Variants in PCM1 observed in about 807,000 individuals in gnomAD.
The protein encoded by PCM1 is pericentriolar material 1, also known as pericentriolar material 1 protein.
In PCM1, 157 loss-of-function variants were observed where a neutral mutation model predicts 241.9. The observed-to-expected ratio is 0.65, with a 90% CI of 0.57 to 0.74. The LOEUF (loss-of-function observed/expected upper bound fraction) is 0.74. Ranked by LOEUF, PCM1 falls within the 30% of genes least tolerant of loss-of-function variation. The pLI, the probability that PCM1 is intolerant of heterozygous loss-of-function variation, is 0.00. For synonymous variants in PCM1, 1,085 were observed against 784.9 expected (o/e 1.38, Z -6.39); for missense variants, 3,478 against 2,360.1 (o/e 1.47, Z -9.81).
intron 35 of PCM1, 57 bp downstream of exon 35, chr8:18,014,093 G>T (rs1051670477): frequency 6.0e-6 from 5 of 826,878 alleles, no homozygotes; most frequent in African/African-American, 4.8e-5. Context: ...TTGCTTTAAA[G>T]CTAAAAAAAA....
chr8:17,958,596 A>T (rs2069930385), intron 13 of PCM1, among the ~76,000 whole-genome samples: 1 of 152,204 alleles, frequency 6.6e-6, no homozygotes, highest in South Asian at 2.1e-4. Flanking sequence ...TAAAAATCAT[A>T]TAAAATGGTT....
rs377606947 is a variant in PCM1 at position 17,940,057 on chromosome 8, G to A, written c.783+196G>A. 9.3e-5 allele frequency: 147 copies of A among 1,574,440 alleles called. No individual in the cohort carries two copies. The Middle Eastern group carries it at 9.9e-4, about 11-fold the overall frequency. ...AATATTTCAGGCTAGAGAAAATGAG[G>A]AGGAGGATGTTCGGACTATAGATTC... On this transcript the variant is annotated intron_variant, in intron 6 of 38. Transcript: ENST00000325083.
At chr8:17,955,158 C>G (rs145587041) in intron 9 of PCM1, among the ~76,000 whole-genome samples, 1 of 152,100 alleles carries the variant, frequency 6.6e-6, no homozygotes, top group Non-Finnish European at 1.5e-5. Context: ...GAGTACTTCT[C>G]TAGTTAGTTT....
intron 27 of PCM1, among the ~76,000 whole-genome samples, chr8:17,990,599 A>G (rs1564213170): frequency 6.6e-6 from 1 of 151,906 alleles, no homozygotes; most frequent in Non-Finnish European, 1.5e-5. Flanking sequence ...AAATTTAAGG[A>G]AAAGAAAAAT....
At chr8:17,951,825 C>G (rs766767796) in intron 8 of PCM1, among the ~76,000 whole-genome samples, 2 of 151,846 alleles carry the variant, frequency 1.3e-5, no homozygotes, top group Non-Finnish European at 2.9e-5. Flanking sequence ...ATAATTGATG[C>G]AAATATGGGA....
intron 21 of PCM1, 66 bp downstream of exon 21, chr8:17,967,236 A>T: frequency 8.9e-7 from 1 of 1,125,496 alleles, no homozygotes; most frequent in East Asian, 2.6e-5. Flanking sequence ...TAATTTGTCT[A>T]TTGCCTAGAT....
intron 24 of PCM1, among the ~76,000 whole-genome samples, chr8:17,984,404 T>A (rs968374334): frequency 5.9e-5 from 9 of 152,000 alleles, no homozygotes; most frequent in African/African-American, 2.2e-4. Flanking sequence ...GTTCATACCT[T>A]AAAACTACGA....
rs143509922 is a variant in PCM1, at chr8:17,958,813, C to T, written c.2040+1038C>T. ...TTTGGCTCACTGCAAGCTCCATCTC[C>T]CGGGTTCAAGCGATTCTTCTGCCTC... On this transcript the variant is annotated intron_variant, in intron 13 of 38. Coordinates refer to ENST00000325083, the MANE Select transcript of PCM1 (RefSeq NM_006197.4). Among the ~76,000 whole-genome samples, 1,300 of 152,168 alleles carry T rather than the reference C, an allele frequency of 8.5e-3. 20 individuals carry two copies. The highest frequency in any genetic ancestry group is 0.03 in the African/African-American group (1,227 of 41,512).
intron 23 of PCM1, 199 bp from the exon 24 acceptor site, chr8:17,980,392 T>TTTATTACTG: frequency 2.4e-6 from 1 of 418,574 alleles, no homozygotes; most frequent in Admixed American, 4.1e-5. Flanking sequence ...GAAGGTTAGA[T>TTTATTACTG]TTATTACTGT....
At chr8:17,981,039 A>G (rs1443872345) in intron 24 of PCM1, among the ~76,000 whole-genome samples, 4 of 152,232 alleles carry the variant, frequency 2.6e-5, no homozygotes, top group Non-Finnish European at 4.4e-5. Context: ...CTGATTAAGA[A>G]TTAGATATGA....
Position 17,966,097 on chromosome 8 carries a change from G to C in PCM1, c.2954G>C (p.Arg985Pro). ...NISMQRQENL[R>P]WVSELSYVEE... ...AGCATGCAACGGCAAGAAAACCTTC[G>C]TTGGGTGTCAGAGCTCTCTTACGTA... is the stretch of plus-strand genomic sequence containing the variant. Residue 985 changes from arginine (R) to proline (P), a missense_variant, in exon 19 of 39, where the codon CGT becomes CCT. Physicochemically the swap from Arg to Pro is moderately radical, Grantham distance 103 (BLOSUM62 -2). Transcript: ENST00000325083. The C allele has an allele frequency of 5.6e-6, 9 of 1,613,878 alleles. No individual in the cohort carries two copies. Among genetic ancestry groups the C allele is most frequent in the Non-Finnish European group, 7.6e-6 (9 of 1,179,792 alleles).
rs536705111 is a variant in PCM1 at position 18,028,802 on chromosome 8, G to C, written c.*1140G>C. 5.8e-5 allele frequency: 11 copies of C among 188,802 alleles called. No individual in the cohort carries two copies. The East Asian group carries it at 9.3e-4, about 16-fold the overall frequency. The allele number at this position is 188,802 out of a possible 1,614,324, so 11.7% of individuals were successfully genotyped here. A position where few individuals can be genotyped will look rare whatever the true frequency, so the allele number is the denominator to read the frequency against. On this transcript the variant is annotated 3_prime_UTR_variant, in exon 39 of 39. Coordinates refer to ENST00000325083, the MANE Select transcript of PCM1 (RefSeq NM_006197.4). Reference sequence around the variant, plus strand: ...TAGTTCCAATAAGTATTTTAACTTTGTTAACAACTGAAATACCCCATAAAA... The same window carrying C: ...TAGTTCCAATAAGTATTTTAACTTTCTTAACAACTGAAATACCCCATAAAA...
chr8:18,027,569 CAG>C, intron 38 of PCM1, 66 bp from the exon 39 acceptor site: 1 of 1,114,522 alleles, frequency 9.0e-7, no homozygotes, highest in Non-Finnish European at 1.3e-6. Flanking sequence ...GCTTTAATGA[CAG>C]AGAACAATGT....
rs1315526955 is a variant in PCM1, at chr8:18,010,669, G to C, written c.5220+1G>C. 1.3e-6 allele frequency: 2 copies of C among 1,593,878 alleles called. No individual in the cohort carries two copies. The highest frequency in any genetic ancestry group is 1.7e-6 in the Non-Finnish European group (2 of 1,169,790). ...TGGAGAGATTGATGATGAAGACAAA[G>C]TATGTGCTAATTAATTTTTGCCTAA... is the stretch of plus-strand genomic sequence containing the variant. On this transcript the variant is annotated splice_donor_variant, in intron 32 of 38. Transcript: ENST00000325083. LOFTEE classifies it high-confidence loss of function.
chr8:17,935,469 C>T (rs1354192606), intron 2 of PCM1, 120 bp from the exon 3 acceptor site: 2 of 587,604 alleles, frequency 3.4e-6, no homozygotes, highest in African/African-American at 1.9e-5. Flanking sequence ...TTGACAGTGC[C>T]TCATTTTAGT....
intron 6 of PCM1, among the ~76,000 whole-genome samples, chr8:17,946,798 A>T (rs1480632852): frequency 6.8e-6 from 1 of 147,586 alleles, no homozygotes; most frequent in East Asian, 2.0e-4. Context: ...ACCCAGTATA[A>T]TGTGCTCCTT....
chr8:17,952,256 A>C (rs1376047960), intron 8 of PCM1, among the ~76,000 whole-genome samples: 1 of 132,692 alleles, frequency 7.5e-6, no homozygotes, highest in Non-Finnish European at 1.6e-5. Context: ...AATAAATAAA[A>C]AATAAAGGAA....
chr8:17,944,967 G>T (rs150216267), intron 6 of PCM1, among the ~76,000 whole-genome samples: 15 of 152,098 alleles, frequency 9.9e-5, no homozygotes, highest in Non-Finnish European at 1.9e-4. Flanking sequence ...TAGAAAGTAC[G>T]CTTTTTTCTC....
chr8:17,972,754 C>A, intron 23 of PCM1, 67 bp downstream of exon 23: 1 of 945,458 alleles, frequency 1.1e-6, no homozygotes, highest in Non-Finnish European at 1.5e-6. Context: ...GACATGTTGA[C>A]ATAGATATAG....
Sources: gnomAD v4.1 joint callset for allele counts (sites outside exome capture counted in the v4.1 genomes callset) on GRCh38, gnomAD v4.1.1 for gene constraint, MANE v1.5 for transcripts, NCBI Gene and HGNC (gene_info 2026-07-23, HGNC 2026-07-21) for gene names.